Variants in ABCA10 observed in about 807,000 individuals in gnomAD.
The protein encoded by ABCA10 is ATP binding cassette subfamily A member 10, also known as ATP-binding cassette sub-family A member 10.
Under a neutral mutation model 187.5 loss-of-function variants are expected in ABCA10, and 169 were observed. The ratio of observed to expected loss-of-function variants is 0.90; its 90% CI spans 0.80 to 1.02. ABCA10 has a LOEUF of 1.02. Ranked by LOEUF, ABCA10 falls within the 50% of genes least tolerant of loss-of-function variation. The pLI is 0.00. For missense variants in ABCA10, 1,727 were observed against 1,812.4 expected, an observed-to-expected ratio of 0.95 and a Z score of 0.86; for synonymous variants, 574 against 601.8, an observed-to-expected ratio of 0.95 and a Z score of 0.68.
Position 69,187,714 on chromosome 17 carries a change from T to C in ABCA10, c.2297A>G (p.Lys766Arg). The change falls in exon 19 of 39, where the codon AAG becomes AGG. Residue 766 changes from lysine (K) to arginine (R), a missense_variant. Lys to Arg is a conservative substitution (Grantham distance 26, BLOSUM62 2). Coordinates refer to ENST00000690296, the MANE Select transcript of ABCA10 (RefSeq NM_001377321.1). ...AAGAGCTCTCCTTTCACGCCTTAAC[T>C]TTAAGAAGCGAAGTGTTGCCACTGC... is the stretch of plus-strand genomic sequence containing the variant. ...IYAVATLRFL[K>R]LRRERRALLC... 4.3e-6 allele frequency: 7 copies of C among 1,613,870 alleles called. No homozygotes were observed. The highest frequency in any genetic ancestry group is 5.9e-6 in the Non-Finnish European group (7 of 1,179,732).
At chr17:69,210,687 A>G (rs1184092972) in intron 9 of ABCA10, among the ~76,000 whole-genome samples, 1 of 151,624 alleles carries the variant, frequency 6.6e-6, no homozygotes, top group Non-Finnish European at 1.5e-5. Flanking sequence ...TCCATTCCTG[A>G]GTTAACTTCA....
intron 10 of ABCA10, among the ~76,000 whole-genome samples, chr17:69,198,592 TC>T (rs2074522603): frequency 6.6e-6 from 1 of 152,172 alleles, no homozygotes; most frequent in Non-Finnish European, 1.5e-5. Flanking sequence ...CTGACAAACT[TC>T]TTGAAAAACA....
chr17:69,153,862 C>T lies in ABCA10; in HGVS notation c.3934G>A (p.Gly1312Ser). 1 of 1,613,880 alleles carries T rather than the reference C, an allele frequency of 6.2e-7. No homozygotes were observed. Among genetic ancestry groups the T allele is most frequent in the Non-Finnish European group, 8.5e-7 (1 of 1,179,906 alleles). Reference sequence around the variant, plus strand: ...ATACTGAGAGCAGCATCTTCTTTGCCCAGTCCTTTCACAGCTGCATACAAC... The same window carrying T: ...ATACTGAGAGCAGCATCTTCTTTGCTCAGTCCTTTCACAGCTGCATACAAC... ...LELYAAVKGL[G>S]KEDAALSISR... Residue 1312 changes from glycine to serine, a missense_variant, in exon 32 of 39, where the codon GGC (glycine) becomes AGC (serine). Physicochemically the swap from Gly to Ser is moderately conservative, Grantham distance 56 (BLOSUM62 0). Coordinates refer to ENST00000690296, the MANE Select transcript of ABCA10 (RefSeq NM_001377321.1).
At chr17:69,151,190 A>G (rs2074125459) in intron 36 of ABCA10, among the ~76,000 whole-genome samples, 1 of 152,068 alleles carries the variant, frequency 6.6e-6, no homozygotes, top group Non-Finnish European at 1.5e-5. Flanking sequence ...TTCATCCTTG[A>G]CATTTGTAGA....
chr17:69,192,689 G>GAGT, intron 15 of ABCA10, 36 bp from the exon 16 acceptor site: 1 of 1,525,366 alleles, frequency 6.6e-7, no homozygotes, highest in Non-Finnish European at 9.1e-7. Flanking sequence ...ATTATGTGAA[G>GAGT]AGTAATTCCT....
At chr17:69,223,854 T>C (rs2074771974) in intron 3 of ABCA10, 1 of 271,424 alleles carries the variant, frequency 3.7e-6, no homozygotes, top group Admixed American at 5.0e-5. Context: ...ATATTTTATA[T>C]AAGAAAGAGA....
intron 18 of ABCA10, among the ~76,000 whole-genome samples, chr17:69,189,440 G>A (rs187445814): frequency 1.3e-5 from 2 of 152,184 alleles, no homozygotes; most frequent in Non-Finnish European, 2.9e-5. Flanking sequence ...TGGGTGCATA[G>A]TTTGCAAATA....
intron 10 of ABCA10, among the ~76,000 whole-genome samples, chr17:69,200,621 T>C (rs1181228395): frequency 2.6e-5 from 4 of 152,250 alleles, no homozygotes; most frequent in Non-Finnish European, 5.9e-5. Context: ...AACTAACATT[T>C]ATGCAGTTTC....
chr17:69,206,654 T>C (rs1419751099), intron 9 of ABCA10, among the ~76,000 whole-genome samples: 1 of 152,222 alleles, frequency 6.6e-6, no homozygotes, highest in African/African-American at 2.4e-5. Context: ...TCACACCATA[T>C]ACAAATTGGT....
At chr17:69,164,184 C>T in intron 26 of ABCA10, 30 bp from the exon 27 acceptor site, 3 of 1,533,834 alleles carry the variant, frequency 2.0e-6, no homozygotes, top group South Asian at 1.2e-5. Flanking sequence ...CAGTTAAATG[C>T]AAGTTTCTCT....
chr17:69,152,249 G>A, intron 35 of ABCA10, 66 bp from the exon 36 acceptor site: 3 of 1,574,798 alleles, frequency 1.9e-6, no homozygotes, highest in Non-Finnish European at 2.6e-6. Context: ...TCACTGTAGA[G>A]GAAGGTGTTT....
rs9914019 is a variant in ABCA10 at position 69,212,294 on chromosome 17, T to C, written c.1006+2410A>G. Among the ~76,000 whole-genome samples the C allele has an allele frequency of 4.4e-3, 677 of 152,272 alleles. 6 individuals carry two copies. The highest frequency in any genetic ancestry group is 0.016 in the African/African-American group (650 of 41,552). On this transcript the variant is annotated intron_variant, in intron 9 of 38. Transcript: ENST00000690296. Reference sequence around the variant, plus strand: ...TGTGTGTTTGCATGGTTCTGAGGGCTCCTTTTGGAGTTGATTTTCAATTTT... The same window carrying C: ...TGTGTGTTTGCATGGTTCTGAGGGCCCCTTTTGGAGTTGATTTTCAATTTT...
chr17:69,182,834 A>AC, intron 20 of ABCA10, 26 bp from the exon 21 acceptor site: 3 of 1,432,498 alleles, frequency 2.1e-6, no homozygotes, highest in Non-Finnish European at 9.1e-7. Flanking sequence ...GAAGGCAACA[A>AC]GAAAAAAAAA....
At chr17:69,227,114 G>GATATATATATATATATATATATAT (rs71892045) in intron 2 of ABCA10, 31 bp downstream of exon 2, 116 of 137,404 alleles carry the variant, frequency 8.4e-4, no homozygotes, top group Middle Eastern at 7.7e-3. Context: ...ATTAATTATG[G>GATATATATATATATATATATATAT]ATATATATAT....
At chr17:69,194,933 G>A (rs534389719) in intron 11 of ABCA10, among the ~76,000 whole-genome samples, 1 of 152,264 alleles carries the variant, frequency 6.6e-6, no homozygotes, top group South Asian at 2.1e-4. Context: ...TTCATATTCG[G>A]AGGGAGGTAG....
At chr17:69,225,719 T>C (rs2074788579) in intron 2 of ABCA10, among the ~76,000 whole-genome samples, 190 bp from the exon 3 acceptor site, 1 of 152,258 alleles carries the variant, frequency 6.6e-6, no homozygotes, top group Admixed American at 6.5e-5. Flanking sequence ...TACACAACTT[T>C]TGAGATAATA....
At chr17:69,211,626 G>A (rs956477825) in intron 9 of ABCA10, among the ~76,000 whole-genome samples, 2 of 151,308 alleles carry the variant, frequency 1.3e-5, no homozygotes, top group Admixed American at 1.3e-4. Context: ...TTTGGGGGCG[G>A]GGGGGAATAT....
At chr17:69,170,644 A>T (rs995344005) in intron 25 of ABCA10, among the ~76,000 whole-genome samples, 9 of 152,150 alleles carry the variant, frequency 5.9e-5, no homozygotes, top group African/African-American at 1.9e-4. Flanking sequence ...AGACATCTGT[A>T]TGTAGAGATA....
At chr17:69,224,776 T>G (rs1449299657) in intron 3 of ABCA10, among the ~76,000 whole-genome samples, 1 of 151,864 alleles carries the variant, frequency 6.6e-6, no homozygotes, top group African/African-American at 2.4e-5. Context: ...TGATTTTAAA[T>G]AATTTTAAAT....
Sources: allele counts gnomAD v4.1 joint callset (sites outside exome capture counted in the v4.1 genomes callset), GRCh38; gene constraint gnomAD v4.1.1; transcripts MANE v1.5; gene names NCBI Gene and HGNC (gene_info 2026-07-23, HGNC 2026-07-21).